The following CERT1 variants were observed in gnomAD, a reference collection of about 807,000 sequenced individuals.
CERT1 encodes ceramide transfer protein.
A neutral mutation model predicts 87.9 loss-of-function variants in CERT1; 31 were observed. The observed-to-expected ratio is 0.35, with a 90% CI of 0.27 to 0.48. The LOEUF (loss-of-function observed/expected upper bound fraction) is 0.48. Ranked by LOEUF, CERT1 falls within the 20% of genes least tolerant of loss-of-function variation. The pLI, the probability that CERT1 is intolerant of heterozygous loss-of-function variation, is 0.99. For missense variants in CERT1, 487 were observed against 758.0 expected (o/e 0.64, Z 4.20); for synonymous variants, 289 against 250.9 (o/e 1.15, Z -1.44).
At chr5:75,368,896 G>GA (rs1760985238) in intron 17 of CERT1, 1 of 151,936 alleles carries the variant, frequency 6.6e-6, no homozygotes, top group South Asian at 2.1e-4. Context: ...ACTGCAAGTT[G>GA]AAAATAACGT....
At chr5:75,479,999 T>A (rs1010491156) in intron 2 of CERT1, among the ~76,000 whole-genome samples, 4 of 152,182 alleles carry the variant, frequency 2.6e-5, no homozygotes, top group Non-Finnish European at 2.9e-5. Context: ...AGGTGTGAGA[T>A]GGTATCTTAT....
chr5:75,403,452 T>C (rs999247833), intron 8 of CERT1, among the ~76,000 whole-genome samples: 2 of 152,230 alleles, frequency 1.3e-5, no homozygotes, highest in Non-Finnish European at 2.9e-5. Context: ...TACTTGAAAT[T>C]AAAAGTTTGG....
chr5:75,458,126 G>A (rs1354377789), intron 3 of CERT1, among the ~76,000 whole-genome samples: 2 of 151,968 alleles, frequency 1.3e-5, no homozygotes, highest in Non-Finnish European at 2.9e-5. Flanking sequence ...ATGACATGGT[G>A]GATTTAGAAC....
chr5:75,425,956 C>T (rs1027092707), intron 4 of CERT1, among the ~76,000 whole-genome samples: 1 of 152,176 alleles, frequency 6.6e-6, no homozygotes, highest in Non-Finnish European at 1.5e-5. Context: ...TTTTGCCTTT[C>T]ACTGCATTTG....
intron 2 of CERT1, among the ~76,000 whole-genome samples, chr5:75,496,736 G>A (rs760012479): frequency 1.7e-4 from 26 of 152,208 alleles, no homozygotes; most frequent in Non-Finnish European, 3.5e-4. Context: ...CATACTGCAT[G>A]ATTCCATGTA....
At chr5:75,394,881 T>C (rs1343854783) in intron 11 of CERT1, among the ~76,000 whole-genome samples, 1 of 152,192 alleles carries the variant, frequency 6.6e-6, no homozygotes, top group Non-Finnish European at 1.5e-5. Context: ...CAGGCACATA[T>C]GGATAAGTAC....
At chr5:75,508,817 A>C (rs140471810) in intron 1 of CERT1, among the ~76,000 whole-genome samples, 5 of 152,136 alleles carry the variant, frequency 3.3e-5, no homozygotes, top group African/African-American at 1.2e-4. Context: ...TGGACTCTTA[A>C]GGATGGACAG....
At chr5:75,459,282 G>A in intron 2 of CERT1, 101 bp from the exon 3 acceptor site, 1 of 652,474 alleles carries the variant, frequency 1.5e-6, no homozygotes, top group Non-Finnish European at 2.8e-6. Flanking sequence ...TGTGCTGGTG[G>A]GAGACTTGTT....
In CERT1 at chr5:75,452,179, G is replaced by C. The variant is rs542387612; in HGVS notation, c.348+6886C>G. ...CAATTCCACAAATATTAAATGACAAGACAATTGCCTCTAGATTCCCACTAC... is the reference window on the plus strand; with the variant it reads ...CAATTCCACAAATATTAAATGACAACACAATTGCCTCTAGATTCCCACTAC... On this transcript the variant is annotated intron_variant, in intron 3 of 16. Coordinates refer to ENST00000643780, the MANE Select transcript of CERT1 (RefSeq NM_001379029.1). Among the ~76,000 whole-genome samples the C allele has an allele frequency of 1.2e-4, 18 of 152,190 alleles. No individual in the cohort carries two copies. In the South Asian group the frequency reaches 3.7e-3, roughly 32 times the overall value.
chr5:75,497,223 T>C (rs1767117954), intron 2 of CERT1, among the ~76,000 whole-genome samples: 1 of 152,180 alleles, frequency 6.6e-6, no homozygotes, highest in African/African-American at 2.4e-5. Context: ...TGTCCCCCTT[T>C]GATAAAAGGG....
chr5:75,437,349 A>T (rs1472646501), intron 3 of CERT1, among the ~76,000 whole-genome samples: 1 of 152,222 alleles, frequency 6.6e-6, no homozygotes, highest in Non-Finnish European at 1.5e-5. Flanking sequence ...TCGATGCAAC[A>T]CATTTTAAGT....
chr5:75,484,443 A>G (rs181810000), intron 2 of CERT1, among the ~76,000 whole-genome samples: 134 of 151,834 alleles, frequency 8.8e-4, no homozygotes, highest in African/African-American at 3.0e-3. Flanking sequence ...CAATCAAAAG[A>G]CAGAGTGACT....
At chr5:75,472,512 CA>C (rs1337580742) in intron 2 of CERT1, among the ~76,000 whole-genome samples, 1 of 152,130 alleles carries the variant, frequency 6.6e-6, no homozygotes, top group African/African-American at 2.4e-5. Flanking sequence ...AAAATATCTG[CA>C]AACTATATCT....
intron 3 of CERT1, among the ~76,000 whole-genome samples, chr5:75,437,673 G>A (rs1003089210): frequency 2.0e-5 from 3 of 151,382 alleles, no homozygotes; most frequent in Admixed American, 2.0e-4. Context: ...GGCTGAGGCA[G>A]GAGACTCGCT....
intron 3 of CERT1, among the ~76,000 whole-genome samples, chr5:75,441,946 T>C (rs1487677764): frequency 6.6e-6 from 1 of 152,186 alleles, no homozygotes; most frequent in African/African-American, 2.4e-5. Context: ...ATATGTTAAT[T>C]CCATTTTTCA....
chr5:75,412,316 C>T (rs1171975987), intron 7 of CERT1, among the ~76,000 whole-genome samples: 5 of 152,148 alleles, frequency 3.3e-5, no homozygotes, highest in Non-Finnish European at 7.4e-5. Flanking sequence ...TTAAGAACTG[C>T]CTTGGTCAAA....
chr5:75,385,047 T>A (rs1488037867), intron 13 of CERT1, among the ~76,000 whole-genome samples: 2 of 152,242 alleles, frequency 1.3e-5, no homozygotes, highest in East Asian at 3.8e-4. Flanking sequence ...TGATGTTAAA[T>A]AAATTGTTAT....
intron 2 of CERT1, among the ~76,000 whole-genome samples, chr5:75,498,962 G>A (rs897951340): frequency 5.3e-5 from 8 of 152,334 alleles, no homozygotes; most frequent in Middle Eastern, 3.4e-3. Flanking sequence ...CCACAGGGAC[G>A]GAGCTGCCCA....
chr5:75,439,727 C>A (rs532511729), intron 3 of CERT1, among the ~76,000 whole-genome samples: 1 of 152,114 alleles, frequency 6.6e-6, no homozygotes, highest in South Asian at 2.1e-4. Context: ...TTAAAACAAA[C>A]CACATGAGGA....
Sources: gnomAD v4.1 joint callset for allele counts (sites outside exome capture counted in the v4.1 genomes callset) on GRCh38, gnomAD v4.1.1 for gene constraint, MANE v1.5 for transcripts, NCBI Gene and HGNC (gene_info 2026-07-23, HGNC 2026-07-21) for gene names.